Variants in PAN3 observed in about 807,000 individuals in gnomAD.
The protein encoded by PAN3 is PAN2-PAN3 deadenylation complex subunit PAN3.
A neutral mutation model predicts 96.2 loss-of-function variants in PAN3; 19 were observed. That is an observed-to-expected ratio of 0.20 (90% CI 0.14 to 0.29). The LOEUF is 0.29. Ranked by LOEUF, PAN3 falls within the 10% of genes least tolerant of loss-of-function variation. The pLI is 1.00. For synonymous variants in PAN3, 433 were observed against 406.6 expected, an observed-to-expected ratio of 1.06 and a Z score of -0.78; for missense variants, 882 against 1,108.1, an observed-to-expected ratio of 0.80 and a Z score of 2.90.
Position 28,256,393 on chromosome 13 carries a change from A to G in PAN3, c.1102A>G (p.Ser368Gly). 1 of 1,614,084 alleles carries G rather than the reference A, an allele frequency of 6.2e-7. No homozygotes were observed. The highest frequency in any genetic ancestry group is 8.5e-7 in the Non-Finnish European group (1 of 1,179,952). Residue 368 changes from serine (S) to glycine (G), a missense_variant, in exon 7 of 19, where the codon AGT (serine) becomes GGT (glycine). Around this residue, in one of 3 missense-constraint regions of PAN3, gnomAD observed 364 missense variants for 513.6 expected, o/e 0.71. Coordinates refer to ENST00000380958, the MANE Select transcript of PAN3 (RefSeq NM_175854.8). ...RRRSHTPNPA[S>G]YMVPSSASTS... The stretch of plus-strand genomic sequence containing the variant: ...AAGAAGTCACACTCCAAATCCAGCA[A>G]GTTACATGGTGCCTTCTAGTGCCTC...
chr13:28,152,053 ATTTTC>A (rs941230501), intron 1 of PAN3, among the ~76,000 whole-genome samples: 1 of 152,094 alleles, frequency 6.6e-6, no homozygotes, highest in African/African-American at 2.4e-5. Context: ...TCAGTAGGCT[ATTTTC>A]TTTTTCTTAG....
intron 4 of PAN3, 100 bp downstream of exon 4, chr13:28,178,035 G>T: frequency 1.0e-6 from 1 of 994,416 alleles, no homozygotes; most frequent in Non-Finnish European, 1.5e-6. Flanking sequence ...TGGAGGGAGA[G>T]CTTTTTATGG....
chr13:28,246,106 C>T (rs1884158429), intron 6 of PAN3, among the ~76,000 whole-genome samples: 1 of 152,056 alleles, frequency 6.6e-6, no homozygotes, highest in Non-Finnish European at 1.5e-5. Flanking sequence ...GTGTATGAAA[C>T]AGTATATTAT....
chr13:28,250,227 C>T (rs934558307), intron 6 of PAN3, among the ~76,000 whole-genome samples: 2 of 150,730 alleles, frequency 1.3e-5, no homozygotes, highest in African/African-American at 4.9e-5. Context: ...AACAGCATCT[C>T]TCTGTCACCC....
chr13:28,172,805 C>T (rs543787291), intron 1 of PAN3, among the ~76,000 whole-genome samples: 2 of 152,134 alleles, frequency 1.3e-5, no homozygotes, highest in South Asian at 4.2e-4. Flanking sequence ...CCCTGTAATC[C>T]CAACACTTAT....
chr13:28,253,241 C>T (rs1884880088), intron 6 of PAN3, among the ~76,000 whole-genome samples: 1 of 152,138 alleles, frequency 6.6e-6, no homozygotes, highest in African/African-American at 2.4e-5. Flanking sequence ...CATTTTAATT[C>T]AGCATCCTAT....
At chr13:28,236,943 C>T (rs1338286980) in intron 6 of PAN3, among the ~76,000 whole-genome samples, 2 of 152,176 alleles carry the variant, frequency 1.3e-5, no homozygotes, top group East Asian at 1.9e-4. Context: ...GGTTAAATAT[C>T]AGCTCTCTAA....
intron 6 of PAN3, among the ~76,000 whole-genome samples, chr13:28,240,449 AAAGATTAT>A (rs757441186): frequency 2.6e-4 from 39 of 152,338 alleles, no homozygotes; most frequent in South Asian, 1.7e-3. Context: ...TTAAGAATTA[AAAGATTAT>A]AAATGTATAA....
intron 12 of PAN3, among the ~76,000 whole-genome samples, chr13:28,268,802 A>G (rs1886385792): frequency 6.6e-6 from 1 of 151,976 alleles, no homozygotes. Flanking sequence ...ACTTCTGTTT[A>G]CTTGTTACTT....
chr13:28,270,989 C>A, intron 13 of PAN3, 123 bp downstream of exon 13: 2 of 995,572 alleles, frequency 2.0e-6, no homozygotes, highest in Non-Finnish European at 2.9e-6. Context: ...ACTTCTGTAA[C>A]TTTGAATTCA....
chr13:28,205,861 T>TA (rs369273234), intron 5 of PAN3, among the ~76,000 whole-genome samples: 2,665 of 133,104 alleles, frequency 0.02, 35 homozygotes, highest in Non-Finnish European at 0.03. Flanking sequence ...AACTGTTTCT[T>TA]AAAAAAAAAA....
chr13:28,151,130 C>T (rs550953147), intron 1 of PAN3, among the ~76,000 whole-genome samples: 29 of 152,180 alleles, frequency 1.9e-4, no homozygotes, highest in African/African-American at 6.7e-4. Flanking sequence ...GGATAGAAGG[C>T]TAATAGGTTG....
At chr13:28,205,707 G>A (rs1015652357) in intron 5 of PAN3, among the ~76,000 whole-genome samples, 7 of 151,890 alleles carry the variant, frequency 4.6e-5, no homozygotes, top group African/African-American at 1.7e-4. Context: ...GCTGGGTGTG[G>A]TGACATGTGC....
At chr13:28,154,507 A>T (rs1226830334) in intron 1 of PAN3, among the ~76,000 whole-genome samples, 1 of 151,338 alleles carries the variant, frequency 6.6e-6, no homozygotes, top group Non-Finnish European at 1.5e-5. Context: ...ATATTTATTT[A>T]TTTTGAGACA....
chr13:28,166,363 A>G (rs1399907817), intron 1 of PAN3, among the ~76,000 whole-genome samples: 2 of 152,238 alleles, frequency 1.3e-5, no homozygotes, highest in Non-Finnish European at 2.9e-5. Context: ...TGGATGCCTG[A>G]GAATAATCTT....
intron 6 of PAN3, among the ~76,000 whole-genome samples, chr13:28,239,382 A>G (rs945704507): frequency 4.6e-5 from 7 of 152,166 alleles, no homozygotes; most frequent in Admixed American, 3.3e-4. Context: ...CTATTTAACA[A>G]TCTCACTGTA....
intron 4 of PAN3, among the ~76,000 whole-genome samples, chr13:28,189,714 A>G (rs1424899408): frequency 6.6e-6 from 1 of 152,038 alleles, no homozygotes; most frequent in African/African-American, 2.4e-5. Context: ...GAACTTTAGT[A>G]CTCAAAGTGC....
At chr13:28,230,518 T>A (rs1226033173) in intron 6 of PAN3, among the ~76,000 whole-genome samples, 1 of 151,756 alleles carries the variant, frequency 6.6e-6, no homozygotes, top group Non-Finnish European at 1.5e-5. Context: ...TACAAAAAAA[T>A]CAACTAAATT....
intron 4 of PAN3, among the ~76,000 whole-genome samples, chr13:28,181,321 C>T (rs1875736706): frequency 6.6e-6 from 1 of 151,868 alleles, no homozygotes; most frequent in Admixed American, 6.6e-5. Context: ...CTAGCCTGGA[C>T]AATGTAGTGA....
Sources: allele counts gnomAD v4.1 joint callset (sites outside exome capture counted in the v4.1 genomes callset), GRCh38; gene constraint gnomAD v4.1.1; regional missense constraint gnomAD v4.1.1; transcripts MANE v1.5; gene names NCBI Gene and HGNC (gene_info 2026-07-23, HGNC 2026-07-21).